TXK: variants seen among roughly 807,000 people sequenced by gnomAD.
TXK encodes the protein TXK tyrosine kinase.
TXK carries 60 observed loss-of-function variants against 81.0 expected under a neutral mutation model. The observed-to-expected ratio is 0.74, with a 90% CI of 0.60 to 0.92. The LOEUF is 0.92. TXK is among the 40% of genes least tolerant of loss of function. The probability of loss-of-function intolerance (pLI) is 0.00; values close to 1 mark genes in which losing one functional copy is unlikely to be tolerated. For synonymous variants in TXK, 203 were observed against 210.7 expected (o/e 0.96, Z 0.32); for missense variants, 581 against 638.3 (o/e 0.91, Z 0.97).
At chr4:48,087,049 G>A (rs1429904308) in intron 9 of TXK, among the ~76,000 whole-genome samples, 4 of 151,742 alleles carry the variant, frequency 2.6e-5, no homozygotes, top group African/African-American at 9.7e-5. Context: ...TCTTCCTGTT[G>A]GTCTTCTCAC....
intron 1 of TXK, 156 bp from the exon 2 acceptor site, chr4:48,114,558 C>T: frequency 1.4e-6 from 1 of 732,298 alleles, no homozygotes; most frequent in East Asian, 2.7e-5. Context: ...GTCACTAAAG[C>T]AAAAAATAAG....
chr4:48,094,663 G>T (rs1392515300), intron 7 of TXK, among the ~76,000 whole-genome samples: 3 of 152,130 alleles, frequency 2.0e-5, no homozygotes, highest in African/African-American at 7.2e-5. Flanking sequence ...CCTCACAATT[G>T]TCCCACTGAA....
intron 13 of TXK, among the ~76,000 whole-genome samples, chr4:48,073,303 G>GAT (rs1716936946): frequency 6.6e-6 from 1 of 152,124 alleles, no homozygotes; most frequent in African/African-American, 2.4e-5. Context: ...AGTTTGGGGT[G>GAT]AAAGAGGATA....
chr4:48,120,196 CACATATATACGTATATATGT>C (rs1370305082), intron 1 of TXK, among the ~76,000 whole-genome samples: 14 of 92,068 alleles, frequency 1.5e-4, no homozygotes, highest in East Asian at 1.1e-3. Context: ...TATACATACA[CACATATATACGTATATATGT>C]ACATATATAC....
In TXK at chr4:48,112,467, G is replaced by A. The variant is rs773269286; in HGVS notation, c.220C>T (p.Pro74Ser). ...VQPSKRKPLP[P>S]LPPSEVAEEK... ...TCAGCAACCTCAGAGGGTGGGAGGGGAGGCAGTGGCTTTCGTTTTGACGGC... is the reference window on the plus strand; with the variant it reads ...TCAGCAACCTCAGAGGGTGGGAGGGAAGGCAGTGGCTTTCGTTTTGACGGC... Residue 74 changes from proline (P) to serine (S), a missense_variant, in exon 4 of 15, where the codon CCC becomes TCC. Coordinates refer to ENST00000264316, the MANE Select transcript of TXK (RefSeq NM_003328.3). The A allele has an allele frequency of 2.5e-6, 4 of 1,614,156 alleles. No homozygotes were observed. In the South Asian group the frequency reaches 3.3e-5, roughly 13 times the overall value.
At chr4:48,073,681 T>C (rs922325838) in intron 13 of TXK, among the ~76,000 whole-genome samples, 4 of 152,210 alleles carry the variant, frequency 2.6e-5, no homozygotes, top group African/African-American at 9.6e-5. Flanking sequence ...TCTAGATCAG[T>C]AGACTCTTTG....
At chr4:48,097,056 A>T (rs1190125144) in intron 6 of TXK, among the ~76,000 whole-genome samples, 1 of 152,182 alleles carries the variant, frequency 6.6e-6, no homozygotes, top group Non-Finnish European at 1.5e-5. Context: ...GCCCAAATCA[A>T]GTAGAAGAAA....
chr4:48,111,982 C>T (rs1039725232), intron 4 of TXK, among the ~76,000 whole-genome samples: 1 of 152,154 alleles, frequency 6.6e-6, no homozygotes, highest in Admixed American at 6.5e-5. Flanking sequence ...GACAAATTCC[C>T]AAATGAAAGC....
chr4:48,123,572 A>G (rs1026137485), intron 1 of TXK, among the ~76,000 whole-genome samples: 3 of 152,096 alleles, frequency 2.0e-5, no homozygotes, highest in African/African-American at 7.2e-5. Flanking sequence ...GCCCTCATCA[A>G]CTCGTACCTG....
chr4:48,079,330 T>C (rs758538582), intron 11 of TXK, among the ~76,000 whole-genome samples: 8 of 152,236 alleles, frequency 5.3e-5, no homozygotes, highest in Non-Finnish European at 1.2e-4. Flanking sequence ...TACAAGATTC[T>C]GATTCTCCTT....
chr4:48,125,601 T>C (rs1719071214), intron 1 of TXK, among the ~76,000 whole-genome samples: 1 of 152,158 alleles, frequency 6.6e-6, no homozygotes, highest in Non-Finnish European at 1.5e-5. Flanking sequence ...CTCAGTAAGG[T>C]ATAAATGACA....
In TXK at chr4:48,120,091, ACG is replaced by A. The variant is rs542331213; in HGVS notation, c.17-5691_17-5690del. Among the ~76,000 whole-genome samples, 34 of 130,820 alleles carry A rather than the reference ACG, an allele frequency of 2.6e-4. 1 individual carries two copies. In the East Asian group the frequency reaches 6.2e-3, roughly 24 times the overall value. 85.8% of individuals were successfully genotyped at this position (130,820 alleles called of 152,430 possible). On this transcript the variant is annotated intron_variant, in intron 1 of 14. Coordinates refer to ENST00000264316, the MANE Select transcript of TXK (RefSeq NM_003328.3). ...TCAGCATATATATACACACACACAC[ACG>A]TACACAAATATACGTATACATACAC...
intron 6 of TXK, among the ~76,000 whole-genome samples, chr4:48,095,480 T>C (rs1300350228): frequency 6.6e-6 from 1 of 152,236 alleles, no homozygotes; most frequent in African/African-American, 2.4e-5. Flanking sequence ...CTGATTTTTC[T>C]AAGAAAAATT....
chr4:48,118,172 C>T lies in TXK; in HGVS notation c.17-3770G>A, dbSNP rs190567628. Among the ~76,000 whole-genome samples the T allele has an allele frequency of 3.2e-4, 49 of 152,258 alleles. 2 individuals are homozygous for T. The highest frequency in any genetic ancestry group is 6.8e-3 in the Middle Eastern group (2 of 294). On this transcript the variant is annotated intron_variant, in intron 1 of 14. Transcript: ENST00000264316. ...CTCTTTTCCTAATGAAGTGAATAAA[C>T]TTATGTGTTTCCTGAAGTTCTGGGA...
Position 48,113,233 on chromosome 4 carries a change from G to A in TXK, c.148C>T (p.Leu50Phe), listed in dbSNP as rs1168511406. ...EKYTQRRRPWLSQLSNKKQSN... is the reference protein window; with the variant it reads ...EKYTQRRRPWFSQLSNKKQSN... The stretch of plus-strand genomic sequence containing the variant: ...TGCTTCTTATTTGACAATTGGCTGA[G>A]CCACGGCCTGCGACGCTGGGTGTAT... Residue 50 changes from leucine (L) to phenylalanine (F), a missense_variant, in exon 3 of 15, where the codon CTC becomes TTC. Coordinates refer to ENST00000264316, the MANE Select transcript of TXK (RefSeq NM_003328.3). The A allele has an allele frequency of 6.2e-7, 1 of 1,613,270 alleles. No homozygotes were observed. The highest frequency in any genetic ancestry group is 2.2e-5 in the East Asian group (1 of 44,892).
intron 8 of TXK, 129 bp downstream of exon 8, chr4:48,093,948 A>G: frequency 4.0e-6 from 5 of 1,264,658 alleles, no homozygotes; most frequent in Non-Finnish European, 5.6e-6. Flanking sequence ...TCAAAAGATA[A>G]GTTGTACTTC....
Position 48,114,501 on chromosome 4 carries a change from T to A in TXK, c.17-99A>T, listed in dbSNP as rs528009434. ...GTGAGACGAATTATTATAAAGCGTATGAAAGTCTCGATCGTGCCTTCCTTC... is the reference window on the plus strand; with the variant it reads ...GTGAGACGAATTATTATAAAGCGTAAGAAAGTCTCGATCGTGCCTTCCTTC... On this transcript the variant is annotated intron_variant, in intron 1 of 14. Coordinates refer to ENST00000264316, the MANE Select transcript of TXK (RefSeq NM_003328.3). The A allele has an allele frequency of 2.0e-4, 262 of 1,279,628 alleles. 1 individual carries two copies. The highest frequency in any genetic ancestry group is 9.8e-5 in the South Asian group (8 of 81,296). The allele number at this position is 1,279,628 out of a possible 1,614,324, so 79.3% of individuals were successfully genotyped here.
chr4:48,100,446 T>TA (rs1012729340), intron 6 of TXK, among the ~76,000 whole-genome samples: 4 of 152,020 alleles, frequency 2.6e-5, no homozygotes, highest in African/African-American at 9.7e-5. Context: ...ATTTAGCATA[T>TA]AAAAAATGCT....
rs1372047686 is a variant in TXK, at chr4:48,104,334, A to G, written c.501+567T>C. The stretch of plus-strand genomic sequence containing the variant: ...ATATATATAATATATAATATAATAT[A>G]TAATATATATAATATATAATATAAT... On this transcript the variant is annotated intron_variant, in intron 6 of 14. Transcript: ENST00000264316. Among the ~76,000 whole-genome samples, 8 of 3,326 alleles carry G rather than the reference A, an allele frequency of 2.4e-3. 2 individuals are homozygous for G. Among genetic ancestry groups the G allele is most frequent in the Admixed American group, 8.5e-3 (1 of 118 alleles). The allele number at this position is 3,326 out of a possible 152,430, so 2.2% of individuals were successfully genotyped here. A position where few individuals can be genotyped will look rare whatever the true frequency, so the allele number is the denominator to read the frequency against.
Sources: gnomAD v4.1 joint callset for allele counts (sites outside exome capture counted in the v4.1 genomes callset) on GRCh38, gnomAD v4.1.1 for gene constraint, MANE v1.5 for transcripts, NCBI Gene and HGNC (gene_info 2026-07-23, HGNC 2026-07-21) for gene names.